The following CNTN4 variants were observed in gnomAD, a reference collection of about 807,000 sequenced individuals.
The protein encoded by CNTN4 is contactin 4.
In CNTN4, 77 loss-of-function variants were observed where a neutral mutation model predicts 122.5. That is an observed-to-expected ratio of 0.63 (90% CI 0.52 to 0.76). CNTN4 has a LOEUF of 0.76. Ranked by LOEUF, CNTN4 falls within the 30% of genes least tolerant of loss-of-function variation. The pLI is 0.00. For synonymous variants in CNTN4, 512 were observed against 447.0 expected (o/e 1.15, Z -1.83); for missense variants, 1,256 against 1,259.1 (o/e 1.00, Z 0.04).
At chr3:2,431,349 A>G (rs1320049124) in intron 3 of CNTN4, among the ~76,000 whole-genome samples, 2 of 152,226 alleles carry the variant, frequency 1.3e-5, no homozygotes, top group African/African-American at 4.8e-5. Context: ...CATTGAAAAA[A>G]TGTACTTCTT....
intron 3 of CNTN4, among the ~76,000 whole-genome samples, chr3:2,351,820 G>T (rs1322220778): frequency 2.0e-5 from 3 of 150,298 alleles, no homozygotes; most frequent in Non-Finnish European, 3.0e-5. Context: ...TGGGGGTTGA[G>T]AGGGGGAGGG....
intron 2 of CNTN4, among the ~76,000 whole-genome samples, chr3:2,296,796 A>AT (rs1025223730): frequency 9.1e-5 from 12 of 131,704 alleles, no homozygotes; most frequent in Admixed American, 6.9e-4. Flanking sequence ...TCTGAAAAAA[A>AT]AAAACAACAA....
intron 4 of CNTN4, among the ~76,000 whole-genome samples, chr3:2,574,488 G>A (rs150407495): frequency 6.6e-6 from 1 of 152,002 alleles, no homozygotes; most frequent in African/African-American, 2.4e-5. Context: ...ATTATTTGAG[G>A]GCATTTATTA....
intron 13 of CNTN4, among the ~76,000 whole-genome samples, chr3:2,974,943 T>C (rs140346667): frequency 0.016 from 2,450 of 152,308 alleles, 59 homozygotes; most frequent in African/African-American, 0.055. Context: ...TTGCTATTTG[T>C]CTTATAGAAA....
At chr3:2,691,316 T>C (rs2085727481) in intron 4 of CNTN4, among the ~76,000 whole-genome samples, 1 of 152,190 alleles carries the variant, frequency 6.6e-6, no homozygotes, top group Non-Finnish European at 1.5e-5. Flanking sequence ...CCAGCATTTC[T>C]ACAGTGGTGT....
chr3:2,140,793 C>G (rs895470998), intron 2 of CNTN4, among the ~76,000 whole-genome samples: 2 of 152,154 alleles, frequency 1.3e-5, no homozygotes, highest in Admixed American at 1.3e-4. Context: ...ATTTTGCACT[C>G]AGAAAAATTC....
chr3:2,789,244 A>T lies in CNTN4; in HGVS notation c.359-30242A>T, dbSNP rs554498177. 4.6e-5 allele frequency among the ~76,000 whole-genome samples: 7 copies of T among 152,216 alleles called. No individual in the cohort carries two copies. In the East Asian group the frequency reaches 1.2e-3, roughly 25 times the overall value. ...CTGTGTGTCTCTGGGAAGGTCCTTT[A>T]CTCTGAATCTGTTTTCTCACCTGTA... On this transcript the variant is annotated intron_variant, in intron 6 of 24. Transcript: ENST00000418658.
At chr3:2,148,313 C>T (rs1317060108) in intron 2 of CNTN4, among the ~76,000 whole-genome samples, 5 of 151,968 alleles carry the variant, frequency 3.3e-5, no homozygotes, top group African/African-American at 9.6e-5. Context: ...GTGAGAGGGT[C>T]GCTTGAGCCC....
chr3:2,268,839 T>A (rs2041157394), intron 2 of CNTN4, among the ~76,000 whole-genome samples: 1 of 152,182 alleles, frequency 6.6e-6, no homozygotes, highest in Non-Finnish European at 1.5e-5. Flanking sequence ...GTGGAATCCT[T>A]GGTGCATTTC....
At chr3:3,022,146 A>G (rs1209571775) in intron 14 of CNTN4, among the ~76,000 whole-genome samples, 3 of 151,268 alleles carry the variant, frequency 2.0e-5, no homozygotes, top group Non-Finnish European at 2.9e-5. Context: ...CAGGAGGTTG[A>G]AGTGGGAGGA....
intron 4 of CNTN4, among the ~76,000 whole-genome samples, chr3:2,705,326 C>T (rs1339631993): frequency 7.0e-6 from 1 of 143,160 alleles, no homozygotes; most frequent in Non-Finnish European, 1.5e-5. Flanking sequence ...CGAGATTGTG[C>T]CACTGCACTC....
chr3:3,015,368 T>C (rs923503047), intron 14 of CNTN4, among the ~76,000 whole-genome samples: 2 of 151,846 alleles, frequency 1.3e-5, no homozygotes, highest in African/African-American at 2.4e-5. Context: ...GGAGGGAGGA[T>C]TGTTTAAGGT....
intron 3 of CNTN4, among the ~76,000 whole-genome samples, chr3:2,474,177 C>T (rs984141187): frequency 3.3e-5 from 5 of 152,142 alleles, no homozygotes; most frequent in African/African-American, 1.2e-4. Context: ...GTTCTTTTTA[C>T]ATAGGGCTTC....
intron 6 of CNTN4, among the ~76,000 whole-genome samples, chr3:2,780,907 C>G (rs1470662167): frequency 6.6e-6 from 1 of 152,194 alleles, no homozygotes; most frequent in Non-Finnish European, 1.5e-5. Context: ...GTAAATATCT[C>G]TCACAATTCC....
chr3:2,332,722 G>GGGGTGGGGGGAGT (rs2043783285), intron 2 of CNTN4, among the ~76,000 whole-genome samples: 2 of 145,648 alleles, frequency 1.4e-5, no homozygotes, highest in East Asian at 4.1e-4. Context: ...GGACTGTTGT[G>GGGGTGGGGGGAGT]GGGTGGGGGG....
chr3:2,185,151 G>T (rs760327095), intron 2 of CNTN4, among the ~76,000 whole-genome samples: 10 of 152,132 alleles, frequency 6.6e-5, no homozygotes, highest in Non-Finnish European at 1.3e-4. Context: ...TTGGCATTCT[G>T]CAGGGCACCT....
intron 3 of CNTN4, among the ~76,000 whole-genome samples, chr3:2,388,925 G>A (rs2046345252): frequency 6.6e-6 from 1 of 151,792 alleles, no homozygotes; most frequent in Admixed American, 6.6e-5. Context: ...TGGGAGGCCG[G>A]GGTGGGTAGA....
intron 2 of CNTN4, among the ~76,000 whole-genome samples, chr3:2,214,511 T>C (rs532467750): frequency 7.1e-4 from 108 of 152,308 alleles, no homozygotes; most frequent in African/African-American, 2.6e-3. Context: ...TTTCAAAAAT[T>C]AGTGATGGTA....
chr3:2,415,173 C>G (rs367746686), intron 3 of CNTN4, among the ~76,000 whole-genome samples: 1 of 152,160 alleles, frequency 6.6e-6, no homozygotes, highest in Non-Finnish European at 1.5e-5. Flanking sequence ...TAAATGTGCT[C>G]TTCTGCCTTG....
Sources: gnomAD v4.1 joint callset for allele counts (sites outside exome capture counted in the v4.1 genomes callset) on GRCh38, gnomAD v4.1.1 for gene constraint, MANE v1.5 for transcripts, NCBI Gene and HGNC (gene_info 2026-07-23, HGNC 2026-07-21) for gene names.